Variants in LGR4 observed in about 807,000 individuals in gnomAD.
The protein encoded by LGR4 is leucine-rich repeat-containing G protein-coupled receptor 4.
In LGR4, 44 loss-of-function variants were observed where a neutral mutation model predicts 84.8. That is an observed-to-expected ratio of 0.52 (90% CI 0.41 to 0.67). LGR4 has a LOEUF of 0.67. Among genes scored for constraint, LGR4 ranks in the 30% least tolerant of loss-of-function variants. The pLI, the probability that LGR4 is intolerant of heterozygous loss-of-function variation, is 0.00. For missense variants in LGR4, 1,032 were observed against 1,131.4 expected, an observed-to-expected ratio of 0.91 and a Z score of 1.26; for synonymous variants, 429 against 434.3, an observed-to-expected ratio of 0.99 and a Z score of 0.15.
chr11:27,446,056 A>T (rs1864383567), intron 1 of LGR4, among the ~76,000 whole-genome samples: 1 of 152,250 alleles, frequency 6.6e-6, no homozygotes, highest in Non-Finnish European at 1.5e-5. Context: ...AGGCACAAAT[A>T]TAACCAAGGG....
intron 4 of LGR4, among the ~76,000 whole-genome samples, chr11:27,386,155 C>A (rs1863184117): frequency 6.6e-6 from 1 of 152,118 alleles, no homozygotes. Context: ...CTCCTGGAAT[C>A]AATGTTACTG....
At chr11:27,439,696 A>G (rs979273169) in intron 1 of LGR4, among the ~76,000 whole-genome samples, 12 of 152,096 alleles carry the variant, frequency 7.9e-5, no homozygotes, top group Admixed American at 2.6e-4. Flanking sequence ...CCTTGGGTGC[A>G]TTTTTACTCG....
At chr11:27,440,217 T>C (rs1202013351) in intron 1 of LGR4, among the ~76,000 whole-genome samples, 1 of 152,108 alleles carries the variant, frequency 6.6e-6, no homozygotes, top group Admixed American at 6.6e-5. Context: ...TGAGGTAGGA[T>C]TTCTACAATG....
chr11:27,417,418 C>T (rs536536065), intron 1 of LGR4, among the ~76,000 whole-genome samples: 42 of 152,170 alleles, frequency 2.8e-4, no homozygotes, highest in Admixed American at 2.3e-3. Flanking sequence ...CTCCAGTTAA[C>T]GGATGTCTAC....
At chr11:27,434,845 T>C (rs1864180634) in intron 1 of LGR4, among the ~76,000 whole-genome samples, 1 of 152,146 alleles carries the variant, frequency 6.6e-6, no homozygotes, top group African/African-American at 2.4e-5. Context: ...GGGAGGAACA[T>C]TAAATTTAAT....
In LGR4 at chr11:27,458,086, T is replaced by C. The variant is rs193248593; in HGVS notation, c.185+14032A>G. 7.7e-3 allele frequency among the ~76,000 whole-genome samples: 1,177 copies of C among 152,270 alleles called. 3 individuals are homozygous for C. The highest frequency in any genetic ancestry group is 0.012 in the Non-Finnish European group (823 of 68,036). ...TAGAGGCTGCAGTGAACTGTGATCA[T>C]GCCACTGTGGTCCGGCTTGGGCAAC... On this transcript the variant is annotated intron_variant, in intron 1 of 17. Coordinates refer to ENST00000379214, the MANE Select transcript of LGR4 (RefSeq NM_018490.5).
Position 27,472,188 on chromosome 11 carries a change from G to T in LGR4, c.115C>A (p.Arg39Ser). The T allele has an allele frequency of 1.4e-6, 2 of 1,412,716 alleles. No individual in the cohort carries two copies. The highest frequency in any genetic ancestry group is 1.8e-6 in the Non-Finnish European group (2 of 1,083,696). The allele number at this position is 1,412,716 out of a possible 1,614,324, so 87.5% of individuals were successfully genotyped here. A position where few individuals can be genotyped will look rare whatever the true frequency, so the allele number is the denominator to read the frequency against. ...CCCTTCCCGGAGCAGTCCACCCGAC[G>T]GTCGCCGTCGCAGCTGCAGGGCGCC... is the stretch of plus-strand genomic sequence containing the variant. Reference protein sequence around the residue: ...CAAPCSCDGDRRVDCSGKGLT... With the variant: ...CAAPCSCDGDSRVDCSGKGLT... The change falls in exon 1 of 18, where the codon CGT (arginine) becomes AGT (serine). Residue 39 changes from arginine (R) to serine (S), a missense_variant. Physicochemically the swap from Arg to Ser is moderately radical, Grantham distance 110. Coordinates refer to ENST00000379214, the MANE Select transcript of LGR4 (RefSeq NM_018490.5).
chr11:27,396,416 T>C (rs950150888), intron 2 of LGR4, among the ~76,000 whole-genome samples: 3 of 152,156 alleles, frequency 2.0e-5, no homozygotes, highest in Admixed American at 1.3e-4. Flanking sequence ...TAGCCAAAGA[T>C]GACCAGCAAG....
At position 27,373,748 on chromosome 11, in the gene LGR4, A is replaced by G. The variant is rs1193982282; in HGVS notation, c.1254-72T>C. The G allele has an allele frequency of 6.6e-6, 9 of 1,354,480 alleles. No individual in the cohort carries two copies. In the East Asian group the frequency reaches 2.1e-4, roughly 32 times the overall value. The allele number at this position is 1,354,480 out of a possible 1,614,324, so 83.9% of individuals were successfully genotyped here. ...CATAAAAACATCTGTACACGTATTA[A>G]CATCATAAATATTAGATCCCTAAGA... On this transcript the variant is annotated intron_variant, in intron 14 of 17. Transcript: ENST00000379214.
Position 27,368,148 on chromosome 11 carries a change from C to T in LGR4, c.2575G>A (p.Asp859Asn), listed in dbSNP as rs765685987. The change falls in exon 18 of 18, where the codon GAC (aspartate) becomes AAC (asparagine). Residue 859 changes from aspartate (D) to asparagine (N), a missense_variant. Asp to Asn is a conservative substitution (Grantham distance 23). Transcript: ENST00000379214. ...SHLQGNLTVC[D>N]CCESFLLTKP... ...GTTAAAAGAAACGATTCGCAGCAGTCGCAAACAGTCAGGTTGCCCTGCAAA... is the reference window on the plus strand; with the variant it reads ...GTTAAAAGAAACGATTCGCAGCAGTTGCAAACAGTCAGGTTGCCCTGCAAA... 13 of 1,614,048 alleles carry T rather than the reference C, an allele frequency of 8.1e-6. No homozygotes were observed. The highest frequency in any genetic ancestry group is 1.6e-4 in the Middle Eastern group (1 of 6,084).
At chr11:27,422,609 G>A (rs528250946) in intron 1 of LGR4, among the ~76,000 whole-genome samples, 1 of 152,254 alleles carries the variant, frequency 6.6e-6, no homozygotes, top group African/African-American at 2.4e-5. Flanking sequence ...CCTCAAGTTC[G>A]AATATATTGT....
At chr11:27,390,021 G>A (rs1394833673) in intron 4 of LGR4, among the ~76,000 whole-genome samples, 1 of 152,026 alleles carries the variant, frequency 6.6e-6, no homozygotes, top group African/African-American at 2.4e-5. Flanking sequence ...CTTGTTTATG[G>A]GTTAGATACA....
Position 27,367,800 on chromosome 11 carries a change from G to T in LGR4, c.*67C>A. ...CAGAAGTGCTTCCCAGATGAAAGAT[G>T]AGAATAGGGTTCACTCTATAAACAC... On this transcript the variant is annotated 3_prime_UTR_variant, in exon 18 of 18. Transcript: ENST00000379214. The T allele has an allele frequency of 8.6e-7, 1 of 1,160,568 alleles. No homozygotes were observed. The highest frequency in any genetic ancestry group is 1.2e-6 in the Non-Finnish European group (1 of 820,994). The allele number at this position is 1,160,568 out of a possible 1,614,324, so 71.9% of individuals were successfully genotyped here. A position where few individuals can be genotyped will look rare whatever the true frequency, so the allele number is the denominator to read the frequency against.
chr11:27,406,739 GGCT>G (rs1412218149), intron 2 of LGR4, among the ~76,000 whole-genome samples: 1 of 152,088 alleles, frequency 6.6e-6, no homozygotes, highest in Non-Finnish European at 1.5e-5. Flanking sequence ...CCTACCAGAG[GGCT>G]GCAAAGTGGA....
intron 2 of LGR4, among the ~76,000 whole-genome samples, chr11:27,409,242 C>G (rs1863667046): frequency 6.6e-6 from 1 of 152,030 alleles, no homozygotes; most frequent in South Asian, 2.1e-4. Flanking sequence ...GGCCTGACTT[C>G]AAGTCCCAGC....
chr11:27,408,449 T>C (rs1461262757), intron 2 of LGR4, among the ~76,000 whole-genome samples: 2 of 152,168 alleles, frequency 1.3e-5, no homozygotes, highest in South Asian at 2.1e-4. Context: ...CTTCTACTGC[T>C]GTTGCCACAT....
chr11:27,389,184 CTCTA>C (rs1863236701), intron 4 of LGR4, among the ~76,000 whole-genome samples: 1 of 152,098 alleles, frequency 6.6e-6, no homozygotes, highest in African/African-American at 2.4e-5. Flanking sequence ...AGAACTTTAA[CTCTA>C]TCTAACTTCA....
intron 4 of LGR4, among the ~76,000 whole-genome samples, chr11:27,386,130 G>T (rs1863183304): frequency 6.6e-6 from 1 of 152,006 alleles, no homozygotes; most frequent in Non-Finnish European, 1.5e-5. Context: ...ATTATCTGTT[G>T]GAAAAACCAA....
intron 1 of LGR4, among the ~76,000 whole-genome samples, chr11:27,456,684 C>G (rs1351324822): frequency 1.3e-5 from 2 of 152,110 alleles, no homozygotes; most frequent in African/African-American, 2.4e-5. Context: ...ATGACTGATA[C>G]TTTCCAGACA....
Sources: gnomAD v4.1 joint callset for allele counts (sites outside exome capture counted in the v4.1 genomes callset) on GRCh38, gnomAD v4.1.1 for gene constraint, MANE v1.5 for transcripts, NCBI Gene and HGNC (gene_info 2026-07-23, HGNC 2026-07-21) for gene names.